Variants in BAHCC1 observed in about 807,000 individuals in gnomAD.
The protein encoded by BAHCC1 is BAH and coiled-coil domain-containing protein 1.
In BAHCC1, 43 loss-of-function variants were observed where a neutral mutation model predicts 88.2. The observed-to-expected ratio is 0.49, with a 90% CI of 0.38 to 0.63. The LOEUF (loss-of-function observed/expected upper bound fraction) is 0.63, where lower values mean the gene tolerates loss of function less well. Among genes scored for constraint, BAHCC1 ranks in the 20% least tolerant of loss-of-function variants. The pLI, the probability that BAHCC1 is intolerant of heterozygous loss-of-function variation, is 0.00. For missense variants in BAHCC1, 3,023 were observed against 1,654.8 expected (o/e 1.83, Z -14.34); for synonymous variants, 1,510 against 745.5 (o/e 2.03, Z -16.71).
intron 2 of BAHCC1, among the ~76,000 whole-genome samples, chr17:81,404,875 G>A (rs1005071876): frequency 6.6e-6 from 1 of 152,178 alleles, no homozygotes; most frequent in African/African-American, 2.4e-5. Context: ...CCGGAGAACA[G>A]TCGTGGGGAA....
chr17:81,397,478 G>T (rs1010186388), intron 1 of BAHCC1, among the ~76,000 whole-genome samples: 3 of 150,900 alleles, frequency 2.0e-5, no homozygotes, highest in African/African-American at 7.3e-5. Flanking sequence ...TGGCACCCCC[G>T]CGTGCGCAGC....
intron 2 of BAHCC1, among the ~76,000 whole-genome samples, chr17:81,403,452 G>A (rs2063840998): frequency 6.7e-6 from 1 of 149,018 alleles, no homozygotes; most frequent in Non-Finnish European, 1.5e-5. Context: ...CTTCTTTCCT[G>A]CTGAAAAAGT....
Position 81,458,670 on chromosome 17 carries a change from C to T in BAHCC1, c.5393C>T (p.Ala1798Val), listed in dbSNP as rs782050776. 15 of 723,624 alleles carry T rather than the reference C, an allele frequency of 2.1e-5. No homozygotes were observed. The highest frequency in any genetic ancestry group is 1.3e-4 in the South Asian group (9 of 68,028). The allele number at this position is 723,624 out of a possible 1,614,324, so 44.8% of individuals were successfully genotyped here. Residue 1798 changes from alanine to valine, a missense_variant, in exon 19 of 28, where the codon GCC becomes GTC. Ala to Val is a moderately conservative substitution (Grantham distance 64). Transcript: ENST00000675386. ...SITLATRNAK[A>V]ILGKGRKLSK... ...ACGCTGGCCACACGCAACGCCAAGG[C>T]CATCCTGGGGAAGGGCCGGAAGCTG...
At chr17:81,419,789 G>GTTT (rs1212230338) in intron 2 of BAHCC1, among the ~76,000 whole-genome samples, 1 of 144,698 alleles carries the variant, frequency 6.9e-6, no homozygotes, top group Admixed American at 6.9e-5. Context: ...TCAACGAGGC[G>GTTT]TTTTTTTTTT....
intron 2 of BAHCC1, chr17:81,422,878 G>A (rs1381840671): frequency 1.2e-5 from 4 of 339,218 alleles, no homozygotes; most frequent in Non-Finnish European, 2.3e-5. Flanking sequence ...GGGCCTGGGC[G>A]AGGCAGCGGC....
At chr17:81,459,986 G>A (rs950321642) in intron 23 of BAHCC1, among the ~76,000 whole-genome samples, 2 of 152,172 alleles carry the variant, frequency 1.3e-5, no homozygotes, top group East Asian at 3.9e-4. Flanking sequence ...TGGGCGGGAG[G>A]CGCCTCCAGG....
At position 81,447,231 on chromosome 17, in the gene BAHCC1, T is replaced by A. The variant is rs191224872; in HGVS notation, c.3359T>A (p.Leu1120His). 5 of 730,414 alleles carry A rather than the reference T, an allele frequency of 6.8e-6. No homozygotes were observed. Among genetic ancestry groups the A allele is most frequent in the Non-Finnish European group, 1.0e-5 (4 of 396,342 alleles). 45.2% of individuals were successfully genotyped at this position (730,414 alleles called of 1,614,324 possible). Residue 1120 changes from leucine (L) to histidine (H), a missense_variant, in exon 11 of 28, where the codon CTC (leucine) becomes CAC (histidine). Physicochemically the swap from Leu to His is moderately conservative, Grantham distance 99. Transcript: ENST00000675386. ...SPRSLEEPGL[L>H]SGAREATQDL... The stretch of plus-strand genomic sequence containing the variant: ...AGGAGCCTGGAGGAGCCCGGGCTGC[T>A]CTCAGGGGCCAGGGAGGCCACCCAG...
At chr17:81,432,763 TCCCTCCCATC>T (rs2143449354) in intron 3 of BAHCC1, among the ~76,000 whole-genome samples, 1 of 5,466 alleles carries the variant, frequency 1.8e-4, no homozygotes, top group African/African-American at 1.4e-3. Context: ...AGACCCACCC[TCCCTCCCATC>T]CCCAGGCCCA....
At chr17:81,439,108 C>G (rs1367084434) in intron 4 of BAHCC1, among the ~76,000 whole-genome samples, 2 of 152,208 alleles carry the variant, frequency 1.3e-5, no homozygotes, top group Non-Finnish European at 2.9e-5. Context: ...AGAGGAAGCT[C>G]AGGCCCAGCA....
chr17:81,461,997 C>G lies in BAHCC1; in HGVS notation c.7334C>G (p.Ala2445Gly), dbSNP rs781866182. 1.3e-6 allele frequency: 1 copy of G among 777,974 alleles called. No individual in the cohort carries two copies. Among genetic ancestry groups the G allele is most frequent in the Admixed American group, 1.7e-5 (1 of 58,856 alleles). The allele number at this position is 777,974 out of a possible 1,614,324, so 48.2% of individuals were successfully genotyped here. The part of the protein sequence containing the change: ...PSVENRPKIS[A>G]FLPARQLWKW... ...GTGGAAAACCGGCCAAAGATCTCAG[C>G]CTTCCTGCCCGCCCGGCAGCTCTGG... Residue 2445 changes from alanine to glycine, a missense_variant, in exon 26 of 28, where the codon GCC (alanine) becomes GGC (glycine). Ala to Gly is a moderately conservative substitution (Grantham distance 60). Coordinates refer to ENST00000675386, the MANE Select transcript of BAHCC1 (RefSeq NM_001377448.1).
Position 81,399,785 on chromosome 17 carries a change from C to T in BAHCC1, c.46C>T (p.Arg16Cys). ...FAPPPHLLSE[R>C]GSLGHRSAAA... ...GCCGCCGCCGCATCTGCTGTCGGAG[C>T]GCGGGAGCCTGGGCCACCGCAGCGC... Residue 16 changes from arginine (R) to cysteine (C), a missense_variant, in exon 2 of 28, where the codon CGC becomes TGC. Physicochemically the swap from Arg to Cys is radical, Grantham distance 180. Transcript: ENST00000675386. The surrounding 1 kb of genome is among the most constrained non-coding windows in gnomAD (Gnocchi z 4.5). 8.0e-7 allele frequency: 1 copy of T among 1,247,514 alleles called. No individual in the cohort carries two copies. The highest frequency in any genetic ancestry group is 1.0e-6 in the Non-Finnish European group (1 of 996,902). The allele number at this position is 1,247,514 out of a possible 1,614,324, so 77.3% of individuals were successfully genotyped here. A position where few individuals can be genotyped will look rare whatever the true frequency, so the allele number is the denominator to read the frequency against.
At chr17:81,406,974 G>A (rs1567995037) in intron 2 of BAHCC1, 5 of 456,338 alleles carry the variant, frequency 1.1e-5, no homozygotes, top group Non-Finnish European at 1.3e-5. Flanking sequence ...TGGCGAGGAA[G>A]GGAGGGACAA....
intron 2 of BAHCC1, among the ~76,000 whole-genome samples, chr17:81,426,110 TGTGGTTGGTGGTGATA>T (rs1409372401): frequency 2.2e-4 from 26 of 120,652 alleles, no homozygotes; most frequent in South Asian, 2.8e-4. Context: ...TGGTGGGTGA[TGTGGTTGGTGGTGATA>T]GTGGTTGGTG....
In BAHCC1 at chr17:81,460,371, G is replaced by T. The variant is rs782589024; in HGVS notation, c.6000G>T (p.Leu2000=). The change falls in exon 24 of 28, where the codon CTG becomes CTT. Residue 2000 remains leucine (L), a synonymous_variant. Transcript: ENST00000675386. ...TGHIAVSNVR[L]LPPDFKIQCT... is the part of the protein sequence containing the mutation. ...ACATCGCCGTCTCCAACGTCAGGCT[G>T]CTGCCCCCTGACTTCAAGATCCAGT... 3 of 769,932 alleles carry T rather than the reference G, an allele frequency of 3.9e-6. No individual in the cohort carries two copies. In the African/African-American group the frequency reaches 5.1e-5, roughly 13 times the overall value. The allele number at this position is 769,932 out of a possible 1,614,324, so 47.7% of individuals were successfully genotyped here.
At chr17:81,453,103 C>T (rs1304844578) in intron 14 of BAHCC1, among the ~76,000 whole-genome samples, 2 of 152,206 alleles carry the variant, frequency 1.3e-5, no homozygotes, top group South Asian at 4.1e-4. Flanking sequence ...GAAGTCACGG[C>T]CCCCAGGCCC....
rs781884771 is a variant in BAHCC1, at chr17:81,461,636, A to ACCT, written c.6984_6986dup (p.Ser2329dup). 4.1e-6 allele frequency: 3 copies of ACCT among 737,318 alleles called. No individual in the cohort carries two copies. The highest frequency in any genetic ancestry group is 7.6e-6 in the Non-Finnish European group (3 of 396,712). The allele number at this position is 737,318 out of a possible 1,614,324, so 45.7% of individuals were successfully genotyped here. On this transcript the variant is annotated inframe_insertion, in exon 26 of 28. Coordinates refer to ENST00000675386, the MANE Select transcript of BAHCC1 (RefSeq NM_001377448.1). ...GTCCTCTTCCTCCTCTGGCTCGTCC[A>ACCT]CCTCCTCCTCCTCAGGCTCCGTGTC...
At position 81,409,676 on chromosome 17, in the gene BAHCC1, T is replaced by C. The variant is rs544993649; in HGVS notation, c.178+9759T>C. ...TGCCTCTCCCCGCCCAAGGGCCTGC[T>C]CCCCTTGCCACTGACCAGAGGGAAA... On this transcript the variant is annotated intron_variant, in intron 2 of 27. Transcript: ENST00000675386. 4.5e-4 allele frequency among the ~76,000 whole-genome samples: 68 copies of C among 152,218 alleles called. 1 individual carries two copies. The highest frequency in any genetic ancestry group is 1.6e-3 in the African/African-American group (66 of 41,546).
chr17:81,428,549 G>T (rs1166157175), intron 3 of BAHCC1, among the ~76,000 whole-genome samples: 2 of 152,176 alleles, frequency 1.3e-5, no homozygotes, highest in Non-Finnish European at 2.9e-5. Flanking sequence ...CATCCCCAAT[G>T]CTCTCTGCAC....
intron 15 of BAHCC1, 157 bp from the exon 16 acceptor site, chr17:81,456,140 C>G: frequency 1.7e-6 from 1 of 573,628 alleles, no homozygotes; most frequent in Non-Finnish European, 3.1e-6. Flanking sequence ...GGCCCTGTGT[C>G]TCTGGGCCAG....
Sources: gnomAD v4.1 joint callset for allele counts (sites outside exome capture counted in the v4.1 genomes callset) on GRCh38, gnomAD v4.1.1 for gene constraint, Gnocchi (gnomAD v3.1) non-coding constraint, MANE v1.5 for transcripts, NCBI Gene and HGNC (gene_info 2026-07-23, HGNC 2026-07-21) for gene names.